Variants in SI observed in about 807,000 individuals in gnomAD.
SI encodes the protein sucrase-isomaltase, intestinal.
Under a neutral mutation model 253.3 loss-of-function variants are expected in SI, and 235 were observed. That is an observed-to-expected ratio of 0.93 (90% confidence interval 0.83 to 1.03). SI has a LOEUF of 1.03. SI is among the 50% of genes least tolerant of loss of function. The pLI is 0.00. For synonymous variants in SI, 819 were observed against 712.0 expected, an observed-to-expected ratio of 1.15 and a Z score of -2.39; for missense variants, 2,442 against 2,211.1, an observed-to-expected ratio of 1.10 and a Z score of -2.09.
At chr3:165,021,118 A>AT (rs1214967067) in intron 27 of SI, 111 bp downstream of exon 27, 99 of 908,752 alleles carry the variant, frequency 1.1e-4, no homozygotes, top group Non-Finnish European at 1.6e-4. Flanking sequence ...CACGTCTTAA[A>AT]TTTTTTTGTG....
intron 25 of SI, among the ~76,000 whole-genome samples, chr3:165,030,369 T>C (rs762577281): frequency 1.3e-4 from 19 of 150,954 alleles, no homozygotes; most frequent in Non-Finnish European, 2.7e-4. Flanking sequence ...TAGTGTCCAC[T>C]ACTGGCATAT....
At chr3:164,995,353 A>C (rs1462165232) in intron 40 of SI, among the ~76,000 whole-genome samples, 1 of 151,792 alleles carries the variant, frequency 6.6e-6, no homozygotes, top group Non-Finnish European at 1.5e-5. Flanking sequence ...GTTAAATAAG[A>C]AGAAAAAAGG....
intron 1 of SI, among the ~76,000 whole-genome samples, chr3:165,077,641 C>T (rs1008646084): frequency 3.3e-5 from 5 of 151,456 alleles, no homozygotes; most frequent in East Asian, 1.9e-4. Context: ...AGCCCAGTTG[C>T]GTGATGTTAT....
At chr3:165,043,952 C>A (rs569835866) in intron 16 of SI, among the ~76,000 whole-genome samples, 4 of 151,990 alleles carry the variant, frequency 2.6e-5, no homozygotes, top group Admixed American at 2.6e-4. Flanking sequence ...GGCTGAGCAT[C>A]CCTAATCCAA....
At chr3:165,052,624 T>G (rs1313465388) in intron 13 of SI, among the ~76,000 whole-genome samples, 1 of 152,016 alleles carries the variant, frequency 6.6e-6, no homozygotes, top group Non-Finnish European at 1.5e-5. Flanking sequence ...GCCACAGCAC[T>G]ACAGCCTGGG....
chr3:165,079,070 A>C (rs1715183138), upstream of SI, among the ~76,000 whole-genome samples: 1 of 151,642 alleles, frequency 6.6e-6, no homozygotes, highest in African/African-American at 2.4e-5. Context: ...TATTTACCAC[A>C]GATAGCACTC....
intron 2 of SI, among the ~76,000 whole-genome samples, chr3:165,075,242 T>C (rs143088291): frequency 2.1e-3 from 315 of 152,020 alleles, no homozygotes; most frequent in Non-Finnish European, 4.0e-3. Context: ...TTTCTGGAAG[T>C]AGGTAAAACA....
intron 22 of SI, among the ~76,000 whole-genome samples, chr3:165,034,691 T>G (rs540159315): frequency 1.3e-5 from 2 of 152,124 alleles, no homozygotes; most frequent in African/African-American, 2.4e-5. Flanking sequence ...TGTGTGTGTG[T>G]GGGTGCGTGT....
At chr3:165,083,633 C>A in the SI span, among the ~76,000 whole-genome samples, 1 of 151,918 alleles carries the variant, frequency 6.6e-6, no homozygotes, top group Non-Finnish European at 1.5e-5. Context: ...TAACATATGA[C>A]AAGATATTGG....
At chr3:165,030,088 AG>A (rs1300152175) in intron 25 of SI, among the ~76,000 whole-genome samples, 1 of 150,910 alleles carries the variant, frequency 6.6e-6, no homozygotes, top group Admixed American at 6.7e-5. Context: ...AGATGCATTT[AG>A]TTATTTGGTT....
chr3:164,979,531 CTTT>C (rs1717078558), intron 47 of SI, 101 bp from the exon 48 acceptor site: 1 of 638,036 alleles, frequency 1.6e-6, no homozygotes, highest in Non-Finnish European at 2.8e-6. Context: ...TAGTATATAC[CTTT>C]ATTTTCTTTT....
intron 12 of SI, 29 bp downstream of exon 12, chr3:165,058,934 A>G: frequency 6.3e-7 from 1 of 1,597,212 alleles, no homozygotes; most frequent in Non-Finnish European, 8.6e-7. Flanking sequence ...AATTTGAGCA[A>G]CATAGTTTTA....
intron 17 of SI, among the ~76,000 whole-genome samples, chr3:165,041,345 T>A (rs1002680473): frequency 4.0e-5 from 6 of 150,728 alleles, no homozygotes; most frequent in East Asian, 1.9e-4. Context: ...AAAAAATAAA[T>A]TTTTTTTTTA....
intron 3 of SI, among the ~76,000 whole-genome samples, chr3:165,072,425 C>CAA (rs200556926): frequency 6.6e-6 from 1 of 150,732 alleles, no homozygotes; most frequent in African/African-American, 2.4e-5. Flanking sequence ...ACAACAACAA[C>CAA]AACAAAAAAC....
chr3:165,039,926 C>A lies in SI; in HGVS notation c.2205G>T (p.Leu735Phe). ...GAGTAATAAGTAATGCAGGGCCCCA[C>A]AAAAACTCAGTGTCCTCAATCCAGC... ...TNSWIEDTEFLWGPALLITPV... is the reference protein window; with the variant it reads ...TNSWIEDTEFFWGPALLITPV... The change falls in exon 19 of 48, where the codon TTG becomes TTT. Residue 735 changes from leucine to phenylalanine, a missense_variant. Physicochemically the swap from Leu to Phe is conservative, Grantham distance 22. Transcript: ENST00000264382. The A allele has an allele frequency of 6.2e-7, 1 of 1,613,380 alleles. No individual in the cohort carries two copies. Among genetic ancestry groups the A allele is most frequent in the East Asian group, 2.2e-5 (1 of 44,830 alleles).
chr3:164,995,047 A>G (rs1238846979), intron 40 of SI, among the ~76,000 whole-genome samples: 2 of 151,852 alleles, frequency 1.3e-5, no homozygotes, highest in East Asian at 2.0e-4. Flanking sequence ...ATAATAGGCA[A>G]GAAAAGTTAT....
chr3:165,059,549 T>C lies in SI; in HGVS notation c.1147-250A>G, dbSNP rs185198426. ...ATGACTAGAATGCATTGTTTTTATA[T>C]ACGTGGATTTCAACATACAAAAATC... On this transcript the variant is annotated intron_variant, in intron 10 of 47. Transcript: ENST00000264382. Among the ~76,000 whole-genome samples the C allele has an allele frequency of 2.0e-5, 3 of 152,092 alleles. No homozygotes were observed. In the East Asian group the frequency reaches 5.8e-4, roughly 29 times the overall value.
Position 165,039,261 on chromosome 3 carries a change from T to C in SI, c.2245-127A>G, listed in dbSNP as rs769061749. ...TGTTGTTACACTCCAATATTTCCTA[T>C]AGATAATAATCAAAGGGCTATTTTA... On this transcript the variant is annotated intron_variant, in intron 19 of 47. Transcript: ENST00000264382. 25 of 640,784 alleles carry C rather than the reference T, an allele frequency of 3.9e-5. No homozygotes were observed. The Middle Eastern group carries it at 2.0e-3, about 52-fold the overall frequency. 39.7% of individuals were successfully genotyped at this position (640,784 alleles called of 1,614,324 possible). A position where few individuals can be genotyped will look rare whatever the true frequency, so the allele number is the denominator to read the frequency against.
intron 25 of SI, 139 bp from the exon 26 acceptor site, chr3:165,023,915 A>T: frequency 1.4e-6 from 1 of 693,340 alleles, no homozygotes; most frequent in Non-Finnish European, 2.5e-6. Flanking sequence ...CAGTTATAAC[A>T]CAAAATATAT....
Sources: allele counts gnomAD v4.1 joint callset (sites outside exome capture counted in the v4.1 genomes callset), GRCh38; gene constraint gnomAD v4.1.1; transcripts MANE v1.5; gene names NCBI Gene and HGNC (gene_info 2026-07-23, HGNC 2026-07-21).